LOC400499: variants seen among roughly 807,000 people sequenced by gnomAD.
At chr16:11,500,597 C>T in the LOC400499 span, among the ~76,000 whole-genome samples, 1 of 151,986 alleles carries the variant, frequency 6.6e-6, no homozygotes, top group Non-Finnish European at 1.5e-5. Context: ...GTGGGAGGCA[C>T]ATTGCTGACC....
the LOC400499 span, among the ~76,000 whole-genome samples, chr16:11,438,630 A>AG: frequency 5.5e-4 from 79 of 143,120 alleles, 1 homozygote; most frequent in African/African-American, 1.9e-3. Flanking sequence ...AAAAAAAAAA[A>AG]GTACAAAAAT....
the LOC400499 span, chr16:11,423,093 C>T: frequency 0.31 from 125,034 of 398,792 alleles, 20,029 homozygotes; most frequent in African/African-American, 0.36. Flanking sequence ...ACACCTCAGA[C>T]GGCCCCTGTG....
chr16:11,512,415 C>T, the LOC400499 span, among the ~76,000 whole-genome samples: 1 of 152,082 alleles, frequency 6.6e-6, no homozygotes, highest in African/African-American at 2.4e-5. Context: ...CCAGCCTGGC[C>T]AACATGGGGA....
the LOC400499 span, chr16:11,446,647 C>T: frequency 6.5e-7 from 1 of 1,535,894 alleles, no homozygotes; most frequent in Non-Finnish European, 8.7e-7. Flanking sequence ...CTGGGAGGGA[C>T]AACCACATAC....
chr16:11,450,841 G>A, the LOC400499 span: 2 of 1,520,508 alleles, frequency 1.3e-6, no homozygotes, highest in South Asian at 1.2e-5. Context: ...CAAAGAAGGA[G>A]AATCTGGTAC....
the LOC400499 span, among the ~76,000 whole-genome samples, chr16:11,384,572 C>T: frequency 1.3e-5 from 2 of 152,214 alleles, no homozygotes; most frequent in Non-Finnish European, 2.9e-5. Flanking sequence ...CCCATGTCCT[C>T]AGCTCAAGTG....
At chr16:11,485,161 C>T in the LOC400499 span, 3 of 398,034 alleles carry the variant, frequency 7.5e-6, no homozygotes, top group Non-Finnish European at 8.8e-6. Flanking sequence ...GAATGGAGGA[C>T]CCAGAAGGCT....
chr16:11,465,771 G>A, the LOC400499 span, among the ~76,000 whole-genome samples: 2 of 148,364 alleles, frequency 1.3e-5, no homozygotes, highest in Non-Finnish European at 3.0e-5. Flanking sequence ...AAGGCGGGGG[G>A]TGGGCAGAGA....
the LOC400499 span, among the ~76,000 whole-genome samples, chr16:11,415,400 G>C: frequency 1.3e-5 from 2 of 152,202 alleles, no homozygotes; most frequent in Admixed American, 6.5e-5. Flanking sequence ...GGCCAGCAGG[G>C]TGGACGAGCT....
At chr16:11,421,683 C>A in the LOC400499 span, among the ~76,000 whole-genome samples, 1 of 152,154 alleles carries the variant, frequency 6.6e-6, no homozygotes, top group Non-Finnish European at 1.5e-5. Flanking sequence ...GGATATACGA[C>A]ATCTTGTATA....
chr16:11,489,586 G>T, the LOC400499 span, among the ~76,000 whole-genome samples: 1 of 152,148 alleles, frequency 6.6e-6, no homozygotes, highest in Non-Finnish European at 1.5e-5. Flanking sequence ...GGGGCTTCTG[G>T]AACAATCTAT....
the LOC400499 span, among the ~76,000 whole-genome samples, chr16:11,428,673 T>C: frequency 6.6e-6 from 1 of 152,174 alleles, no homozygotes; most frequent in African/African-American, 2.4e-5. Context: ...CTGTATCTTG[T>C]GGCGACCTCC....
At chr16:11,476,604 C>T in the LOC400499 span, among the ~76,000 whole-genome samples, 1 of 152,256 alleles carries the variant, frequency 6.6e-6, no homozygotes, top group South Asian at 2.1e-4. Context: ...CACTAACACA[C>T]ATGCATGCTA....
At chr16:11,448,150 A>G in the LOC400499 span, 1,202,658 of 1,476,186 alleles carry the variant, frequency 0.81, 491,258 homozygotes, top group South Asian at 0.85. Context: ...GGAAGGCAAG[A>G]GGTAGCCCCC....
At chr16:11,515,735 G>GAGGAGGAGGAAAAGGGAGA in the LOC400499 span, among the ~76,000 whole-genome samples, 1 of 149,564 alleles carries the variant, frequency 6.7e-6, no homozygotes, top group Non-Finnish European at 1.5e-5. Context: ...GAAAAGGGAG[G>GAGGAGGAGGAAAAGGGAGA]AGGAGGAGGA....
At chr16:11,382,253 T>C in the LOC400499 span, among the ~76,000 whole-genome samples, 1 of 152,232 alleles carries the variant, frequency 6.6e-6, no homozygotes, top group Non-Finnish European at 1.5e-5. Flanking sequence ...TTTAGACATG[T>C]TGGATCCTCT....
the LOC400499 span, chr16:11,372,776 C>T: frequency 1.0e-6 from 1 of 971,072 alleles, no homozygotes; most frequent in South Asian, 4.8e-5. Context: ...AGGCTATGGG[C>T]CCCTGAGGAG....
chr16:11,490,781 C>T, the LOC400499 span, among the ~76,000 whole-genome samples: 3 of 152,188 alleles, frequency 2.0e-5, no homozygotes, highest in Non-Finnish European at 2.9e-5. Flanking sequence ...TAAGGAGATA[C>T]GTGTGTATGT....
the LOC400499 span, among the ~76,000 whole-genome samples, chr16:11,457,784 G>A: frequency 1.3e-5 from 2 of 152,118 alleles, no homozygotes; most frequent in African/African-American, 4.8e-5. Context: ...ATCAACAGAT[G>A]AACGGATAAA....
Sources: allele counts gnomAD v4.1 joint callset (sites outside exome capture counted in the v4.1 genomes callset), GRCh38; gene constraint gnomAD v4.1.1; transcripts MANE v1.5.